MSS51: variants seen among roughly 807,000 people sequenced by gnomAD.
MSS51 encodes MSS51 mitochondrial translational activator.
A neutral mutation model predicts 40.2 loss-of-function variants in MSS51; 32 were observed. That is an observed-to-expected ratio of 0.80 (90% confidence interval 0.60 to 1.07). MSS51 has a LOEUF of 1.07. Among genes scored for constraint, MSS51 ranks in the 50% least tolerant of loss-of-function variants. The pLI is 0.00. For synonymous variants in MSS51, 178 were observed against 214.2 expected, an observed-to-expected ratio of 0.83 and a Z score of 1.48; for missense variants, 518 against 568.9, an observed-to-expected ratio of 0.91 and a Z score of 0.91.
chr10:73,427,087 G>C (rs184554040), intron 3 of MSS51, among the ~76,000 whole-genome samples: 14 of 152,210 alleles, frequency 9.2e-5, no homozygotes, highest in African/African-American at 2.9e-4. Context: ...ACTCAAGAGA[G>C]AGACAGAGAG....
At chr10:73,431,893 CT>C (rs1465038179) in intron 1 of MSS51, among the ~76,000 whole-genome samples, 1 of 152,182 alleles carries the variant, frequency 6.6e-6, no homozygotes, top group Non-Finnish European at 1.5e-5. Flanking sequence ...GCCCTTCACA[CT>C]TTAGGGCCCA....
chr10:73,427,893 T>C, intron 2 of MSS51, 125 bp from the exon 3 acceptor site: 1 of 1,272,046 alleles, frequency 7.9e-7, no homozygotes, highest in Non-Finnish European at 1.1e-6. Flanking sequence ...CCATCATTTT[T>C]CACTTAAGTG....
intron 1 of MSS51, among the ~76,000 whole-genome samples, chr10:73,432,174 G>A (rs1188990622): frequency 6.6e-6 from 1 of 152,136 alleles, no homozygotes; most frequent in African/African-American, 2.4e-5. Flanking sequence ...GAGTAGCTGG[G>A]ATTACAGGCT....
Position 73,427,691 on chromosome 10 carries a change from T to A in MSS51, c.299A>T (p.Asp100Val). The A allele has an allele frequency of 1.9e-6, 3 of 1,614,204 alleles. No homozygotes were observed. Among genetic ancestry groups the A allele is most frequent in the Non-Finnish European group, 2.5e-6 (3 of 1,180,036 alleles). The change falls in exon 3 of 7, where the codon GAC becomes GTC. Residue 100 changes from aspartate (D) to valine (V), a missense_variant. By Grantham distance (152) the Asp-to-Val change is radical. Transcript: ENST00000299432. ...ACAGTGAGCACAGAATCGAAATGTGTCTTCCATCCTCTGGAACATTTCTTG... is the reference window on the plus strand; with the variant it reads ...ACAGTGAGCACAGAATCGAAATGTGACTTCCATCCTCTGGAACATTTCTTG... Reference protein sequence around the residue: ...CPQEMFQRMEDTFRFCAHCRA... With the variant: ...CPQEMFQRMEVTFRFCAHCRA...
At chr10:73,427,571 G>A (rs1310714479) in intron 3 of MSS51, 42 bp downstream of exon 3, 1 of 1,566,944 alleles carries the variant, frequency 6.4e-7, no homozygotes, top group Non-Finnish European at 8.7e-7. Context: ...GCTAATACAG[G>A]ATCATTTCTG....
intron 2 of MSS51, 78 bp downstream of exon 2, chr10:73,427,986 C>T: frequency 7.2e-7 from 1 of 1,388,778 alleles, no homozygotes; most frequent in Non-Finnish European, 1.0e-6. Flanking sequence ...ATTCACCAAA[C>T]TGTACTCCCT....
chr10:73,424,799 C>T (rs2055969800), intron 6 of MSS51, 27 bp from the exon 7 acceptor site: 10 of 1,563,472 alleles, frequency 6.4e-6, no homozygotes, highest in African/African-American at 1.3e-5. Flanking sequence ...AGAAAAATTA[C>T]TCTACTGATT....
intron 1 of MSS51, among the ~76,000 whole-genome samples, chr10:73,431,431 A>G (rs2056028393): frequency 6.6e-6 from 1 of 152,176 alleles, no homozygotes. Context: ...GGAAACTGTT[A>G]AAGTTCAAAC....
intron 1 of MSS51, 50 bp from the exon 2 acceptor site, chr10:73,428,351 C>T (rs746935560): frequency 1.0e-5 from 14 of 1,381,326 alleles, no homozygotes; most frequent in Non-Finnish European, 1.1e-5. Context: ...ACAAGCTGGA[C>T]ACTTGTGAAG....
chr10:73,426,067 G>A lies in MSS51; in HGVS notation c.813C>T (p.Ser271=). 3 of 1,614,160 alleles carry A rather than the reference G, an allele frequency of 1.9e-6. 1 individual carries two copies. The East Asian group carries it at 6.7e-5, about 36-fold the overall frequency. ...GGSTVHVVGA[S]HVETFLTRPG... ...GGCGAGTAAGAAATGTCTCCACATG[G>A]GAAGCACCAACCACATGCACTGTGC... Residue 271 remains serine, a synonymous_variant, in exon 5 of 7, where the codon TCC becomes TCT. Coordinates refer to ENST00000299432, the MANE Select transcript of MSS51 (RefSeq NM_001024593.2).
In MSS51 at chr10:73,425,999, A is replaced by G. The variant is rs138568412; in HGVS notation, c.881T>C (p.Leu294Pro). Residue 294 changes from leucine to proline, a missense_variant, in exon 5 of 7, where the codon CTT (leucine) becomes CCT (proline). Leu to Pro is a moderately conservative substitution (Grantham distance 98). Coordinates refer to ENST00000299432, the MANE Select transcript of MSS51 (RefSeq NM_001024593.2). ...DELGYMFPGH[L>P]GLRVVMVGVD... ...ACCCACCATGACCACACGGAGTCCA[A>G]GGTGCCCAGGAAACATGTAACCAAG... 82 of 1,614,198 alleles carry G rather than the reference A, an allele frequency of 5.1e-5. No individual in the cohort carries two copies. Among genetic ancestry groups the G allele is most frequent in the Non-Finnish European group, 6.9e-5 (82 of 1,180,022 alleles).
chr10:73,428,838 A>G (rs1308836078), intron 1 of MSS51, among the ~76,000 whole-genome samples: 1 of 152,040 alleles, frequency 6.6e-6, no homozygotes, highest in African/African-American at 2.4e-5. Context: ...AGTCCTATAC[A>G]TTATATATAT....
chr10:73,433,057 A>G (rs940595871), intron 1 of MSS51, among the ~76,000 whole-genome samples: 3 of 152,140 alleles, frequency 2.0e-5, no homozygotes, highest in Non-Finnish European at 4.4e-5. Context: ...TAGTCCCAGT[A>G]TAAGAGAGAG....
intron 5 of MSS51, among the ~76,000 whole-genome samples, 158 bp from the exon 6 acceptor site, chr10:73,425,349 C>G (rs1052660055): frequency 9.2e-5 from 14 of 152,072 alleles, no homozygotes; most frequent in African/African-American, 3.1e-4. Context: ...ATTCTGAACC[C>G]AAGTGTAGTA....
intron 1 of MSS51, among the ~76,000 whole-genome samples, chr10:73,428,925 C>T (rs2056008993): frequency 6.6e-6 from 1 of 151,738 alleles, no homozygotes; most frequent in Non-Finnish European, 1.5e-5. Flanking sequence ...CTGGTAACAG[C>T]TGGGCGTGGT....
intron 5 of MSS51, 70 bp from the exon 6 acceptor site, chr10:73,425,261 G>A (rs1412250936): frequency 6.2e-6 from 6 of 960,446 alleles, no homozygotes; most frequent in Non-Finnish European, 9.5e-6. Context: ...ATATTTCTTT[G>A]ACTGTGAGCA....
intron 1 of MSS51, among the ~76,000 whole-genome samples, chr10:73,428,656 T>C (rs2056007509): frequency 6.6e-6 from 1 of 151,894 alleles, no homozygotes; most frequent in Non-Finnish European, 1.5e-5. Flanking sequence ...CGGCTAATTT[T>C]TGTATTTTTT....
intron 5 of MSS51, 38 bp downstream of exon 5, chr10:73,425,773 G>A (rs2055980062): frequency 3.9e-6 from 6 of 1,551,750 alleles, no homozygotes; most frequent in Non-Finnish European, 4.4e-6. Flanking sequence ...AATTCTCAGG[G>A]GAGCCACCCT....
At chr10:73,428,850 T>C (rs1175326083) in intron 1 of MSS51, among the ~76,000 whole-genome samples, 4 of 151,992 alleles carry the variant, frequency 2.6e-5, no homozygotes, top group Non-Finnish European at 5.9e-5. Flanking sequence ...TATATATATA[T>C]ATACACACAC....
Sources: allele counts gnomAD v4.1 joint callset (sites outside exome capture counted in the v4.1 genomes callset), GRCh38; gene constraint gnomAD v4.1.1; transcripts MANE v1.5; gene names NCBI Gene and HGNC (gene_info 2026-07-23, HGNC 2026-07-21).